UTS2: variants seen among roughly 807,000 people sequenced by gnomAD.
UTS2 encodes urotensin-2.
UTS2 carries 10 observed loss-of-function variants against 12.6 expected under a neutral mutation model. The observed-to-expected ratio is 0.80, with a 90% CI of 0.49 to 1.35. UTS2 has a LOEUF of 1.35. Ranked by LOEUF, UTS2 falls within the 40% of genes most tolerant of loss-of-function variation. The pLI is 0.00. For missense variants in UTS2, 142 were observed against 143.2 expected, an observed-to-expected ratio of 0.99 and a Z score of 0.04; for synonymous variants, 52 against 50.0, an observed-to-expected ratio of 1.04 and a Z score of -0.17.
chr1:7,902,733 T>C, the UTS2 span, among the ~76,000 whole-genome samples: 1 of 152,090 alleles, frequency 6.6e-6, no homozygotes, highest in Non-Finnish European at 1.5e-5. Context: ...CGCCTCCTAT[T>C]TCCTTCCCTT....
chr1:7,853,414 A>C, upstream of UTS2: 1 of 1,613,822 alleles, frequency 6.2e-7, no homozygotes, highest in Non-Finnish European at 8.5e-7. Flanking sequence ...GCATAAGATG[A>C]AATACGTTGG....
At chr1:7,905,978 C>T in the UTS2 span, among the ~76,000 whole-genome samples, 4 of 151,124 alleles carry the variant, frequency 2.6e-5, no homozygotes, top group African/African-American at 4.9e-5. Flanking sequence ...GGCTCCTTCA[C>T]AGCCAGTGGG....
chr1:7,868,009 G>A, the UTS2 span, among the ~76,000 whole-genome samples: 1 of 152,142 alleles, frequency 6.6e-6, no homozygotes, highest in Non-Finnish European at 1.5e-5. Context: ...TATTAAATCA[G>A]ACAAAGAAAA....
chr1:7,908,738 GACTCAC>G, the UTS2 span, among the ~76,000 whole-genome samples: 2 of 152,016 alleles, frequency 1.3e-5, no homozygotes, highest in Non-Finnish European at 2.9e-5. Context: ...AGGTTTAATG[GACTCAC>G]AGTTCCACAT....
the UTS2 span, among the ~76,000 whole-genome samples, chr1:7,908,444 G>C: frequency 7.1e-6 from 1 of 140,694 alleles, no homozygotes; most frequent in Non-Finnish European, 1.5e-5. Flanking sequence ...CTGGGCGACA[G>C]AGTGAGACTC....
At chr1:7,906,663 T>C in the UTS2 span, among the ~76,000 whole-genome samples, 1,632 of 152,082 alleles carry the variant, frequency 0.011, 33 homozygotes, top group African/African-American at 0.037. Context: ...TATAGAGAGA[T>C]ATCAGCACCA....
the UTS2 span, among the ~76,000 whole-genome samples, chr1:7,906,491 G>GAAAGAGAAAGAAAGAAA: frequency 8.1e-5 from 10 of 123,322 alleles, no homozygotes; most frequent in African/African-American, 3.0e-4. Flanking sequence ...AAGAAAGAAA[G>GAAAGAGAAAGAAAGAAA]AAAGAAAGAA....
chr1:7,887,771 A>C, the UTS2 span, among the ~76,000 whole-genome samples: 1 of 151,890 alleles, frequency 6.6e-6, no homozygotes, highest in African/African-American at 2.4e-5. Context: ...GGAAAAAAAA[A>C]AAAAAAAGAT....
the UTS2 span, among the ~76,000 whole-genome samples, chr1:7,872,299 C>CAAAAA: frequency 6.1e-5 from 4 of 65,880 alleles, no homozygotes; most frequent in Non-Finnish European, 1.1e-4. Flanking sequence ...GACTCTGTCT[C>CAAAAA]AAAAAAAAAA....
chr1:7,909,349 A>G, the UTS2 span, among the ~76,000 whole-genome samples: 1 of 152,026 alleles, frequency 6.6e-6, no homozygotes, highest in African/African-American at 2.4e-5. Flanking sequence ...GTTCGAGACC[A>G]GCCTGGTTAA....
chr1:7,857,769 G>A (rs498130), upstream of UTS2, among the ~76,000 whole-genome samples: 105,962 of 150,000 alleles, frequency 0.71, 37,872 homozygotes, highest in African/African-American at 0.81. Flanking sequence ...AGGATCGCCT[G>A]AGCCTGGGAG....
At chr1:7,849,502 C>T (rs1168858266) in intron 3 of UTS2, 138 bp downstream of exon 3, 19 of 760,156 alleles carry the variant, frequency 2.5e-5, no homozygotes, top group South Asian at 1.9e-4. Context: ...TGAGCTACCG[C>T]GCCTGGTCAT....
the UTS2 span, among the ~76,000 whole-genome samples, chr1:7,892,326 G>C: frequency 2.0e-5 from 3 of 152,074 alleles, no homozygotes; most frequent in East Asian, 3.9e-4. Context: ...GAGGCTCCAG[G>C]GGAGCATCAG....
the UTS2 span, among the ~76,000 whole-genome samples, chr1:7,863,032 T>TGTATTGTATTGTATTGTA: frequency 3.7e-5 from 1 of 27,080 alleles, no homozygotes; most frequent in Admixed American, 4.1e-4. Flanking sequence ...TGTATTGTAT[T>TGTATTGTATTGTATTGTA]GTATTGTATT....
the UTS2 span, among the ~76,000 whole-genome samples, chr1:7,875,047 TTTTC>T: frequency 5.6e-5 from 4 of 70,942 alleles, no homozygotes; most frequent in Admixed American, 3.4e-4. Context: ...GTATTTCTTT[TTTTC>T]TTTATTTTTT....
the UTS2 span, among the ~76,000 whole-genome samples, chr1:7,870,169 G>T: frequency 6.6e-6 from 1 of 152,222 alleles, no homozygotes; most frequent in Admixed American, 6.5e-5. Context: ...TACCTTCAAA[G>T]GTGGCTGTAT....
the UTS2 span, among the ~76,000 whole-genome samples, chr1:7,873,765 G>T: frequency 1.3e-5 from 2 of 152,122 alleles, no homozygotes; most frequent in Non-Finnish European, 2.9e-5. Context: ...AGAATATTCC[G>T]TAAACTTACT....
the UTS2 span, among the ~76,000 whole-genome samples, chr1:7,904,903 CAAAAAAAAAA>C: frequency 1.7e-5 from 1 of 58,266 alleles, no homozygotes; most frequent in African/African-American, 6.1e-5. Context: ...GACTCTGTCT[CAAAAAAAAAA>C]AAAAAAAAAA....
chr1:7,877,136 AAAAAAAG>A, the UTS2 span, among the ~76,000 whole-genome samples: 139 of 61,654 alleles, frequency 2.3e-3, 3 homozygotes, highest in South Asian at 4.3e-3. Flanking sequence ...CAAAAAAAAA[AAAAAAAG>A]AAAAAAAAAA....
Sources: gnomAD v4.1 joint callset for allele counts (sites outside exome capture counted in the v4.1 genomes callset) on GRCh38, gnomAD v4.1.1 for gene constraint, MANE v1.5 for transcripts, NCBI Gene and HGNC (gene_info 2026-07-23, HGNC 2026-07-21) for gene names.